Variants in RALYL observed in about 807,000 individuals in gnomAD.
The protein encoded by RALYL is RNA-binding Raly-like protein.
In RALYL, 29 loss-of-function variants were observed where a neutral mutation model predicts 35.1. The ratio of observed to expected loss-of-function variants is 0.83; its 90% CI spans 0.61 to 1.13. The LOEUF (loss-of-function observed/expected upper bound fraction) is 1.13. RALYL is among the 50% of genes most tolerant of loss of function. The pLI, the probability that RALYL is intolerant of heterozygous loss-of-function variation, is 0.00. For missense variants in RALYL, 359 were observed against 360.4 expected (o/e 1.00, Z 0.03); for synonymous variants, 120 against 127.6 (o/e 0.94, Z 0.40).
At chr8:84,253,798 T>C (rs1416936893) in intron 1 of RALYL, among the ~76,000 whole-genome samples, 1 of 152,094 alleles carries the variant, frequency 6.6e-6, no homozygotes, top group Non-Finnish European at 1.5e-5. Flanking sequence ...AAACAGTATT[T>C]CTTCCTCTGA....
chr8:84,606,410 G>A (rs989096967), intron 2 of RALYL, among the ~76,000 whole-genome samples: 1 of 152,106 alleles, frequency 6.6e-6, no homozygotes, highest in South Asian at 2.1e-4. Flanking sequence ...GGTTTCATGT[G>A]TGTCTGCAGA....
At chr8:84,263,661 G>T (rs1832724244) in intron 1 of RALYL, among the ~76,000 whole-genome samples, 1 of 151,938 alleles carries the variant, frequency 6.6e-6, no homozygotes, top group African/African-American at 2.4e-5. Context: ...TGTTACATAG[G>T]TTAACGTGTG....
intron 1 of RALYL, among the ~76,000 whole-genome samples, chr8:84,286,366 T>C (rs774193801): frequency 1.3e-5 from 2 of 152,214 alleles, no homozygotes; most frequent in Non-Finnish European, 2.9e-5. Context: ...CTTTTATTCA[T>C]GTGGGTACAA....
chr8:84,314,225 A>C (rs762799872), intron 1 of RALYL, among the ~76,000 whole-genome samples: 4 of 151,808 alleles, frequency 2.6e-5, no homozygotes, highest in African/African-American at 9.7e-5. Context: ...TGATCCAGTC[A>C]CCTCCCACCA....
intron 7 of RALYL, among the ~76,000 whole-genome samples, chr8:84,887,321 T>A (rs916667490): frequency 2.3e-4 from 35 of 152,114 alleles, no homozygotes; most frequent in Non-Finnish European, 4.6e-4. Flanking sequence ...GAAAGATCAA[T>A]CTGTTTATGT....
At chr8:84,600,251 A>G (rs1815608327) in intron 2 of RALYL, among the ~76,000 whole-genome samples, 1 of 152,082 alleles carries the variant, frequency 6.6e-6, no homozygotes, top group Non-Finnish European at 1.5e-5. Flanking sequence ...TCCTCAGTTC[A>G]TCAAATATCG....
chr8:84,257,947 A>G (rs1478037395), intron 1 of RALYL, among the ~76,000 whole-genome samples: 1 of 152,220 alleles, frequency 6.6e-6, no homozygotes, highest in Admixed American at 6.5e-5. Flanking sequence ...GTTGGATAGT[A>G]ACAGGAAAAT....
chr8:84,471,787 C>A (rs1260143644), intron 1 of RALYL, among the ~76,000 whole-genome samples: 2 of 152,124 alleles, frequency 1.3e-5, no homozygotes, highest in East Asian at 3.9e-4. Flanking sequence ...AATGGCAATA[C>A]TAATAAAACA....
chr8:84,678,842 T>C (rs147487095), intron 2 of RALYL: 154 of 173,846 alleles, frequency 8.9e-4, no homozygotes, highest in African/African-American at 3.4e-3. Flanking sequence ...TCAAAAAGGA[T>C]GAGAAGGATG....
chr8:84,641,880 A>G (rs1201917043), intron 2 of RALYL, among the ~76,000 whole-genome samples: 1 of 151,834 alleles, frequency 6.6e-6, no homozygotes, highest in Admixed American at 6.6e-5. Context: ...TGATACCTTA[A>G]ACATTTAGCA....
chr8:84,690,871 T>C (rs1218488661), intron 2 of RALYL, among the ~76,000 whole-genome samples: 1 of 152,050 alleles, frequency 6.6e-6, no homozygotes, highest in East Asian at 1.9e-4. Flanking sequence ...GAGATATTGG[T>C]GATATCATCC....
chr8:84,654,372 A>T (rs1325770330), intron 2 of RALYL, among the ~76,000 whole-genome samples: 1 of 144,876 alleles, frequency 6.9e-6, no homozygotes, highest in East Asian at 2.1e-4. Flanking sequence ...TATGATGTGT[A>T]ATAATCACAT....
chr8:84,649,349 CTTG>C (rs1291600923), intron 2 of RALYL, among the ~76,000 whole-genome samples: 18 of 151,914 alleles, frequency 1.2e-4, no homozygotes, highest in African/African-American at 4.4e-4. Flanking sequence ...ACATGAAGTC[CTTG>C]CCCATGCCTA....
At chr8:84,693,679 C>G (rs141020990) in intron 2 of RALYL, among the ~76,000 whole-genome samples, 1 of 151,808 alleles carries the variant, frequency 6.6e-6, no homozygotes, top group Non-Finnish European at 1.5e-5. Flanking sequence ...AAATTACAGG[C>G]TGATATTCCT....
At chr8:84,198,600 G>C (rs757288776) in intron 1 of RALYL, among the ~76,000 whole-genome samples, 4 of 152,036 alleles carry the variant, frequency 2.6e-5, no homozygotes, top group African/African-American at 7.2e-5. Context: ...CAAATACTAG[G>C]TCTTATTCAG....
chr8:84,682,043 G>T (rs1432033271), intron 2 of RALYL, among the ~76,000 whole-genome samples: 1 of 152,102 alleles, frequency 6.6e-6, no homozygotes, highest in Non-Finnish European at 1.5e-5. Context: ...AGAGTTTTTA[G>T]CATGAAGGGC....
intron 1 of RALYL, among the ~76,000 whole-genome samples, chr8:84,269,415 T>A (rs1413771953): frequency 2.0e-5 from 3 of 152,164 alleles, no homozygotes; most frequent in Non-Finnish European, 2.9e-5. Flanking sequence ...GAATCAGAGG[T>A]AGAATTTTTA....
chr8:84,805,918 C>G (rs530134188), intron 4 of RALYL, among the ~76,000 whole-genome samples: 1 of 152,196 alleles, frequency 6.6e-6, no homozygotes, highest in South Asian at 2.1e-4. Context: ...CTAGAGAAAT[C>G]ATGCTATATT....
chr8:84,428,108 A>T (rs11785894), intron 1 of RALYL, among the ~76,000 whole-genome samples: 7,412 of 123,610 alleles, frequency 0.06, 297 homozygotes, highest in African/African-American at 0.14. Context: ...TCTCTCTCTC[A>T]CACACACACA....
Sources: allele counts gnomAD v4.1 joint callset (sites outside exome capture counted in the v4.1 genomes callset), GRCh38; gene constraint gnomAD v4.1.1; transcripts MANE v1.5; gene names NCBI Gene and HGNC (gene_info 2026-07-23, HGNC 2026-07-21).